The following RAD51B variants were observed in gnomAD, a reference collection of about 807,000 sequenced individuals.
The protein encoded by RAD51B is RAD51 paralog B, also known as DNA repair protein RAD51 homolog 2.
Under a neutral mutation model 42.2 loss-of-function variants are expected in RAD51B, and 38 were observed. That is an observed-to-expected ratio of 0.90 (90% CI 0.70 to 1.18). RAD51B has a LOEUF of 1.18. Ranked by LOEUF, RAD51B falls within the 50% of genes most tolerant of loss-of-function variation. The pLI is 0.00. For missense variants in RAD51B, 373 were observed against 400.7 expected (o/e 0.93, Z 0.59); for synonymous variants, 154 against 145.2 (o/e 1.06, Z -0.43).
intron 7 of RAD51B, among the ~76,000 whole-genome samples, chr14:67,991,140 C>T (rs2075290160): frequency 6.6e-6 from 1 of 152,154 alleles, no homozygotes; most frequent in African/African-American, 2.4e-5. Context: ...TTTCCCACTG[C>T]TGCAGTAGCC....
chr14:68,217,731 A>G (rs1401532809), intron 7 of RAD51B, among the ~76,000 whole-genome samples: 1 of 152,190 alleles, frequency 6.6e-6, no homozygotes, highest in Non-Finnish European at 1.5e-5. Context: ...TAGCCTTTGT[A>G]GAGGAATGAA....
chr14:68,013,233 G>T (rs1165693389), intron 7 of RAD51B, among the ~76,000 whole-genome samples: 1 of 152,170 alleles, frequency 6.6e-6, no homozygotes, highest in Admixed American at 6.6e-5. Context: ...GCTTCCTTAA[G>T]TAGAGTGTCT....
At chr14:68,089,529 G>C (rs150715100) in intron 7 of RAD51B, among the ~76,000 whole-genome samples, 17 of 152,246 alleles carry the variant, frequency 1.1e-4, no homozygotes, top group African/African-American at 3.8e-4. Context: ...AGAGACCTCA[G>C]AACTCAATAC....
chr14:68,535,744 A>C (rs1034344924), intron 10 of RAD51B, among the ~76,000 whole-genome samples: 8 of 152,208 alleles, frequency 5.3e-5, no homozygotes, highest in African/African-American at 1.9e-4. Flanking sequence ...GAGTATGTGT[A>C]ACTGGATGGA....
chr14:67,900,098 A>T (rs957952329), intron 7 of RAD51B, among the ~76,000 whole-genome samples: 1 of 152,208 alleles, frequency 6.6e-6, no homozygotes, highest in Admixed American at 6.5e-5. Context: ...TGCTGCTTGT[A>T]AGTGTAACCA....
chr14:68,396,496 T>A (rs887381167), intron 8 of RAD51B, among the ~76,000 whole-genome samples: 1 of 152,180 alleles, frequency 6.6e-6, no homozygotes, highest in African/African-American at 2.4e-5. Flanking sequence ...CATAAAATAG[T>A]GAAACATCCT....
At chr14:68,374,678 C>T (rs549554372) in intron 8 of RAD51B, among the ~76,000 whole-genome samples, 192 of 151,064 alleles carry the variant, frequency 1.3e-3, no homozygotes, top group African/African-American at 4.2e-3. Flanking sequence ...CTTAAATACA[C>T]GCCTCATTAT....
chr14:67,863,987 G>C (rs1421921287), intron 4 of RAD51B, among the ~76,000 whole-genome samples: 4 of 152,016 alleles, frequency 2.6e-5, no homozygotes, highest in Non-Finnish European at 5.9e-5. Context: ...GACAGACAGA[G>C]ACATCTTACT....
chr14:68,482,575 G>C (rs975658897), downstream of RAD51B, among the ~76,000 whole-genome samples: 1 of 152,106 alleles, frequency 6.6e-6, no homozygotes, highest in Non-Finnish European at 1.5e-5. Context: ...CCATTTGGAA[G>C]GGTCATTTTT....
At chr14:68,387,757 TACAC>T (rs1393113403) in intron 8 of RAD51B, among the ~76,000 whole-genome samples, 1 of 152,098 alleles carries the variant, frequency 6.6e-6, no homozygotes, top group Non-Finnish European at 1.5e-5. Context: ...CACTATCTCT[TACAC>T]ACACACTCTA....
At chr14:68,388,094 A>ATTTTTT (rs10676248) in intron 8 of RAD51B, among the ~76,000 whole-genome samples, 5 of 118,930 alleles carry the variant, frequency 4.2e-5, no homozygotes, top group African/African-American at 1.4e-4. Context: ...ATATATATAT[A>ATTTTTT]TTTTTTTTTT....
chr14:68,098,541 TAC>T (rs2077234292), intron 7 of RAD51B, among the ~76,000 whole-genome samples: 1 of 152,210 alleles, frequency 6.6e-6, no homozygotes, highest in South Asian at 2.1e-4. Context: ...AGGCACTTCT[TAC>T]ATGGCAGTGG....
chr14:68,203,619 A>G (rs1252523707), intron 7 of RAD51B, among the ~76,000 whole-genome samples: 1 of 152,134 alleles, frequency 6.6e-6, no homozygotes, highest in Non-Finnish European at 1.5e-5. Context: ...GAAGCTAGGC[A>G]TTGACTTCTG....
chr14:67,857,105 G>A (rs1395471766), intron 4 of RAD51B, among the ~76,000 whole-genome samples: 3 of 151,900 alleles, frequency 2.0e-5, no homozygotes, highest in Non-Finnish European at 4.4e-5. Context: ...TAGACTATCT[G>A]AAGCTAAAAA....
chr14:68,534,750 C>A (rs551082874), intron 10 of RAD51B, among the ~76,000 whole-genome samples: 1 of 152,122 alleles, frequency 6.6e-6, no homozygotes, highest in South Asian at 2.1e-4. Flanking sequence ...CCGCTCCCAC[C>A]CCCCCTAGAT....
At chr14:68,591,320 G>A (rs546488989) in intron 10 of RAD51B, among the ~76,000 whole-genome samples, 3 of 152,276 alleles carry the variant, frequency 2.0e-5, no homozygotes, top group South Asian at 2.1e-4. Flanking sequence ...CTCTGGATGC[G>A]CTGAACAACA....
chr14:68,620,025 C>T (rs1891912519), intron 10 of RAD51B, among the ~76,000 whole-genome samples: 3 of 152,168 alleles, frequency 2.0e-5, no homozygotes, highest in African/African-American at 4.8e-5. Flanking sequence ...AGGGCCACTA[C>T]CCCGGGGTTA....
intron 7 of RAD51B, among the ~76,000 whole-genome samples, chr14:67,889,870 T>TA (rs1394281835): frequency 6.6e-6 from 1 of 152,204 alleles, no homozygotes; most frequent in Non-Finnish European, 1.5e-5. Context: ...GAGAATTTTA[T>TA]AGACCTTTGA....
At chr14:68,006,354 A>G (rs369790223) in intron 7 of RAD51B, among the ~76,000 whole-genome samples, 13 of 152,148 alleles carry the variant, frequency 8.5e-5, no homozygotes, top group Middle Eastern at 3.4e-3. Context: ...CAAACTTTCT[A>G]TTTCCTTTTG....
Sources: allele counts gnomAD v4.1 joint callset (sites outside exome capture counted in the v4.1 genomes callset), GRCh38; gene constraint gnomAD v4.1.1; transcripts MANE v1.5; gene names NCBI Gene and HGNC (gene_info 2026-07-23, HGNC 2026-07-21).